WWOX: variants seen among roughly 807,000 people sequenced by gnomAD.
WWOX encodes WW domain containing oxidoreductase.
Under a neutral mutation model 46.2 loss-of-function variants are expected in WWOX, and 69 were observed. The observed-to-expected ratio is 1.49, with a 90% CI of 1.23 to 1.82. The LOEUF is 1.82. Among genes scored for constraint, WWOX ranks in the 40% most tolerant of loss-of-function variants. WWOX has a pLI of 0.00. For missense variants in WWOX, 919 were observed against 542.6 expected (o/e 1.69, Z -6.89); for synonymous variants, 359 against 202.6 (o/e 1.77, Z -6.56).
At chr16:78,835,155 C>A (rs6564606) in intron 8 of WWOX, among the ~76,000 whole-genome samples, 118,740 of 152,032 alleles carry the variant, frequency 0.78, 46,544 homozygotes, top group Middle Eastern at 0.81. Flanking sequence ...CTTGCTCCGA[C>A]AGCCTTGCTT....
chr16:78,416,959 A>T (rs190462234), intron 6 of WWOX, among the ~76,000 whole-genome samples: 1 of 152,002 alleles, frequency 6.6e-6, no homozygotes, highest in East Asian at 1.9e-4. Flanking sequence ...TTCTCTAAGA[A>T]GTTGGTTCTG....
intron 8 of WWOX, among the ~76,000 whole-genome samples, chr16:78,738,126 A>C (rs753691904): frequency 1.8e-4 from 28 of 152,102 alleles, no homozygotes; most frequent in African/African-American, 2.9e-4. Flanking sequence ...AAAACAGTTC[A>C]ATTAGGTAAA....
intron 8 of WWOX, among the ~76,000 whole-genome samples, chr16:78,490,907 A>T (rs761009088): frequency 1.5e-4 from 23 of 152,176 alleles, no homozygotes; most frequent in Non-Finnish European, 1.8e-4. Context: ...TCATAAAATG[A>T]AACTGGCAGT....
chr16:78,657,165 A>G (rs549870210), intron 8 of WWOX, among the ~76,000 whole-genome samples: 1 of 152,130 alleles, frequency 6.6e-6, no homozygotes, highest in African/African-American at 2.4e-5. Flanking sequence ...TGTCCTGCTC[A>G]TCACTGAGGT....
chr16:78,803,566 C>T (rs1043848694), intron 8 of WWOX, among the ~76,000 whole-genome samples: 3 of 152,120 alleles, frequency 2.0e-5, no homozygotes, highest in Non-Finnish European at 4.4e-5. Context: ...CCTGCCTCAG[C>T]CTCCCAAGTA....
At chr16:78,511,207 C>G (rs546848784) in intron 8 of WWOX, among the ~76,000 whole-genome samples, 1 of 152,170 alleles carries the variant, frequency 6.6e-6, no homozygotes, top group East Asian at 1.9e-4. Flanking sequence ...AATGTAAAAG[C>G]AGCTGGTTAC....
At chr16:78,543,231 C>T (rs2043940790) in intron 8 of WWOX, among the ~76,000 whole-genome samples, 1 of 152,174 alleles carries the variant, frequency 6.6e-6, no homozygotes, top group Admixed American at 6.5e-5. Context: ...GTCACAACAG[C>T]AATTAAATGG....
chr16:78,506,636 G>A (rs565475535), intron 8 of WWOX: 3 of 151,134 alleles, frequency 2.0e-5, no homozygotes, highest in African/African-American at 4.9e-5. Context: ...ACCTACCCAA[G>A]GTCTGGTCAT....
chr16:78,367,022 C>G (rs1350696450), intron 5 of WWOX, among the ~76,000 whole-genome samples: 1 of 134,652 alleles, frequency 7.4e-6, no homozygotes, highest in Non-Finnish European at 1.5e-5. Context: ...CTCTGTTGCC[C>G]AGGCTGGAGT....
At position 79,029,659 on chromosome 16, in the gene WWOX, A is replaced by G. The variant is rs529131802; in HGVS notation, c.1057-181949A>G. 1.1e-4 allele frequency among the ~76,000 whole-genome samples: 16 copies of G among 152,308 alleles called. 1 individual carries two copies. In the South Asian group the frequency reaches 3.3e-3, roughly 32 times the overall value. ...ATTGACATTTTTAACTTTAATGAGA[A>G]ATTGCTTGTCCTTTAAACTTTAGGC... On this transcript the variant is annotated intron_variant, in intron 8 of 8. Coordinates refer to ENST00000566780, the MANE Select transcript of WWOX (RefSeq NM_016373.4).
At chr16:78,841,090 T>C (rs1179310729) in intron 8 of WWOX, among the ~76,000 whole-genome samples, 1 of 152,042 alleles carries the variant, frequency 6.6e-6, no homozygotes, top group Non-Finnish European at 1.5e-5. Flanking sequence ...CCCCCAGACA[T>C]TCATTTCGGT....
chr16:79,081,364 G>A lies in WWOX; in HGVS notation c.1057-130244G>A, dbSNP rs537054040. ...TTTTCAGTAGAGATGGGGTTTTGCCGTGTTGGCCAGGCTGGTCTTGAATTC... is the reference window on the plus strand; with the variant it reads ...TTTTCAGTAGAGATGGGGTTTTGCCATGTTGGCCAGGCTGGTCTTGAATTC... On this transcript the variant is annotated intron_variant, in intron 8 of 8. Transcript: ENST00000566780. 1.2e-4 allele frequency among the ~76,000 whole-genome samples: 18 copies of A among 152,208 alleles called. No homozygotes were observed. In the East Asian group the frequency reaches 2.5e-3, roughly 21 times the overall value.
At chr16:78,775,815 C>T (rs951594054) in intron 8 of WWOX, among the ~76,000 whole-genome samples, 2 of 152,156 alleles carry the variant, frequency 1.3e-5, no homozygotes, top group African/African-American at 4.8e-5. Flanking sequence ...CTACTTTCGA[C>T]TGAATCTATG....
At chr16:78,357,774 G>A (rs1597092533) in intron 5 of WWOX, among the ~76,000 whole-genome samples, 1 of 152,230 alleles carries the variant, frequency 6.6e-6, no homozygotes, top group East Asian at 1.9e-4. Context: ...CTGCACTCTT[G>A]CTGGGTATGT....
chr16:78,593,187 T>C (rs1597319144), intron 8 of WWOX, among the ~76,000 whole-genome samples: 1 of 149,746 alleles, frequency 6.7e-6, no homozygotes, highest in African/African-American at 2.4e-5. Context: ...CCTGATTCTT[T>C]TGAGGATCAC....
chr16:78,274,421 G>T (rs11645724), intron 5 of WWOX, among the ~76,000 whole-genome samples: 15,703 of 152,078 alleles, frequency 0.1, 878 homozygotes, highest in South Asian at 0.18. Flanking sequence ...AACTCTTCAG[G>T]TTAGAATTCC....
intron 5 of WWOX, among the ~76,000 whole-genome samples, chr16:78,374,491 T>A (rs142263429): frequency 8.4e-4 from 127 of 151,644 alleles, no homozygotes; most frequent in African/African-American, 2.8e-3. Context: ...TTTTTGTGTT[T>A]ATGGTGTTTT....
intron 8 of WWOX, among the ~76,000 whole-genome samples, chr16:79,138,105 A>C (rs181717051): frequency 3.3e-5 from 5 of 152,176 alleles, no homozygotes; most frequent in Non-Finnish European, 5.9e-5. Context: ...GATCCACAGC[A>C]GGGGCCACAG....
chr16:79,104,175 C>G (rs1002271015), intron 8 of WWOX, among the ~76,000 whole-genome samples: 19 of 151,824 alleles, frequency 1.3e-4, no homozygotes, highest in African/African-American at 4.6e-4. Context: ...GTGAACTACT[C>G]TAAAGCAATG....
Sources: gnomAD v4.1 joint callset for allele counts (sites outside exome capture counted in the v4.1 genomes callset) on GRCh38, gnomAD v4.1.1 for gene constraint, MANE v1.5 for transcripts, NCBI Gene and HGNC (gene_info 2026-07-23, HGNC 2026-07-21) for gene names.